The following HIPK3 variants were observed in gnomAD, a reference collection of about 807,000 sequenced individuals.
The protein encoded by HIPK3 is homeodomain interacting protein kinase 3, also known as homeodomain-interacting protein kinase 3.
In HIPK3, 47 loss-of-function variants were observed where a neutral mutation model predicts 124.2. That is an observed-to-expected ratio of 0.38 (90% CI 0.30 to 0.48). HIPK3 has a LOEUF of 0.48. HIPK3 is among the 20% of genes least tolerant of loss of function. The probability of loss-of-function intolerance (pLI) is 0.98; values close to 1 mark genes in which losing one functional copy is unlikely to be tolerated. For synonymous variants in HIPK3, 482 were observed against 515.2 expected, an observed-to-expected ratio of 0.94 and a Z score of 0.87; for missense variants, 1,286 against 1,454.3, an observed-to-expected ratio of 0.88 and a Z score of 1.88.
intron 3 of HIPK3, among the ~76,000 whole-genome samples, chr11:33,334,485 G>A (rs1853079285): frequency 6.6e-6 from 1 of 152,076 alleles, no homozygotes; most frequent in African/African-American, 2.4e-5. Context: ...AAAGGGCAGG[G>A]AATATATATA....
intron 2 of HIPK3, among the ~76,000 whole-genome samples, chr11:33,301,643 G>C (rs1852002180): frequency 6.6e-6 from 1 of 151,510 alleles, no homozygotes; most frequent in Non-Finnish European, 1.5e-5. Context: ...AAAAACTTGG[G>C]CATGGTGGAG....
At position 33,349,231 on chromosome 11, in the gene HIPK3, T is replaced by TCTG. The variant is rs779142847; in HGVS notation, c.2752_2754dup (p.Leu918dup). On this transcript the variant is annotated inframe_insertion, in exon 14 of 17. Transcript: ENST00000303296. ...GTTCATTAAGTAGTCCTGATAGTAC[T>TCTG]CTGAGTACCAGCTCCTCAGGGCAGT... 1.4e-5 allele frequency: 22 copies of TCTG among 1,613,568 alleles called. No homozygotes were observed. The highest frequency in any genetic ancestry group is 1.8e-5 in the Non-Finnish European group (21 of 1,179,586).
chr11:33,297,083 T>C (rs1454229349), intron 2 of HIPK3, among the ~76,000 whole-genome samples: 3 of 138,970 alleles, frequency 2.2e-5, no homozygotes, highest in South Asian at 2.3e-4. Context: ...ATTGCTGATA[T>C]GGAAAAGATT....
intron 1 of HIPK3, among the ~76,000 whole-genome samples, chr11:33,280,065 G>A (rs1851373498): frequency 1.3e-5 from 2 of 152,212 alleles, no homozygotes; most frequent in Admixed American, 6.5e-5. Flanking sequence ...ACCATAGTAG[G>A]TTAAAGAACC....
chr11:33,352,269 T>A lies in HIPK3; in HGVS notation c.3171+4T>A. On this transcript the variant is annotated splice_donor_region_variant and intron_variant, in intron 16 of 16. Coordinates refer to ENST00000303296, the MANE Select transcript of HIPK3 (RefSeq NM_005734.5). ...GCAGCATTTGAACTTCAGTCAGGTATGTTCATTTGTGGATATGTAGGAGTC... is the reference window on the plus strand; with the variant it reads ...GCAGCATTTGAACTTCAGTCAGGTAAGTTCATTTGTGGATATGTAGGAGTC... The A allele has an allele frequency of 6.2e-7, 1 of 1,613,648 alleles. No individual in the cohort carries two copies. Among genetic ancestry groups the A allele is most frequent in the Non-Finnish European group, 8.5e-7 (1 of 1,179,820 alleles).
chr11:33,348,019 T>C lies in HIPK3; in HGVS notation c.2306+6T>C. On this transcript the variant is annotated splice_donor_region_variant and intron_variant, in intron 11 of 16. Coordinates refer to ENST00000303296, the MANE Select transcript of HIPK3 (RefSeq NM_005734.5). ...AATAAACAGTGCCAGAACAGGTTGG[T>C]ATTGGTGCTTTAGCTTTCCTCTGCA... 6.2e-7 allele frequency: 1 copy of C among 1,614,000 alleles called. No homozygotes were observed. The highest frequency in any genetic ancestry group is 1.1e-5 in the South Asian group (1 of 91,076).
chr11:33,301,096 GTTCT>G (rs1406867083), intron 2 of HIPK3, among the ~76,000 whole-genome samples: 1 of 152,056 alleles, frequency 6.6e-6, no homozygotes, highest in Non-Finnish European at 1.5e-5. Flanking sequence ...CTGAGAGTTT[GTTCT>G]TTCTTATGTG....
intron 2 of HIPK3, among the ~76,000 whole-genome samples, chr11:33,315,347 C>T (rs1236884667): frequency 6.6e-6 from 1 of 152,202 alleles, no homozygotes; most frequent in Non-Finnish European, 1.5e-5. Flanking sequence ...ATGCCTCAGC[C>T]TCCCAAGTAG....
chr11:33,257,299 C>T (rs2133852705), upstream of HIPK3: 2 of 983,270 alleles, frequency 2.0e-6, no homozygotes, highest in Non-Finnish European at 1.2e-6. Context: ...GGGCGCGCAG[C>T]GCTGCCGGGC....
At chr11:33,304,503 G>A (rs1046668538) in intron 2 of HIPK3, among the ~76,000 whole-genome samples, 8 of 151,540 alleles carry the variant, frequency 5.3e-5, no homozygotes, top group Admixed American at 5.2e-4. Context: ...GTTGCGGAGA[G>A]CCGAGATCAT....
intron 2 of HIPK3, among the ~76,000 whole-genome samples, chr11:33,311,936 C>CACA (rs1852359235): frequency 8.6e-6 from 1 of 116,278 alleles, no homozygotes; most frequent in Admixed American, 8.7e-5. Context: ...CACACACACA[C>CACA]TACACACACA....
intron 9 of HIPK3, 61 bp from the exon 10 acceptor site, chr11:33,347,568 A>G (rs527966232): frequency 2.5e-6 from 4 of 1,587,234 alleles, no homozygotes; most frequent in East Asian, 2.3e-5. Context: ...AGTTTAAGAT[A>G]TGGTAAAGTT....
intron 2 of HIPK3, among the ~76,000 whole-genome samples, chr11:33,327,604 T>G (rs1431961803): frequency 6.6e-6 from 1 of 152,182 alleles, no homozygotes; most frequent in Non-Finnish European, 1.5e-5. Context: ...TGTGGTTATG[T>G]AGGAGAATAT....
intron 1 of HIPK3, among the ~76,000 whole-genome samples, chr11:33,276,893 C>T (rs960914514): frequency 3.3e-5 from 5 of 151,790 alleles, no homozygotes; most frequent in East Asian, 1.9e-4. Flanking sequence ...TTAGTAGAGA[C>T]GGGGTTTCAT....
Position 33,353,644 on chromosome 11 carries a change from T to A in HIPK3, c.*76T>A. 1.0e-6 allele frequency: 1 copy of A among 1,002,704 alleles called. No homozygotes were observed. Among genetic ancestry groups the A allele is most frequent in the Non-Finnish European group, 1.5e-6 (1 of 667,128 alleles). The allele number at this position is 1,002,704 out of a possible 1,614,324, so 62.1% of individuals were successfully genotyped here. On this transcript the variant is annotated 3_prime_UTR_variant, in exon 17 of 17. Transcript: ENST00000303296. Reference sequence around the variant, plus strand: ...AAAACATGGTATTTAATATTAGCCATGGCACAAGAAAATTATTTTTGAATC... The same window carrying A: ...AAAACATGGTATTTAATATTAGCCAAGGCACAAGAAAATTATTTTTGAATC...
chr11:33,341,616 A>G lies in HIPK3; in HGVS notation c.1827A>G (p.Ala609=), dbSNP rs761628732. 3.7e-6 allele frequency: 6 copies of G among 1,613,844 alleles called. No individual in the cohort carries two copies. The highest frequency in any genetic ancestry group is 1.1e-5 in the South Asian group (1 of 91,020). Residue 609 remains alanine (A), a synonymous_variant, in exon 8 of 17, where the codon GCA becomes GCG. Transcript: ENST00000303296. The part of the protein sequence containing the change: ...SVVHHGIPLQ[A]GTAQFGCGDA... The stretch of plus-strand genomic sequence containing the variant: ...TGCACCATGGAATACCTCTGCAGGC[A>G]GGAACTGCTCAGTTTGGTTGTGGTG...
At chr11:33,257,958 G>A (rs974198020) in intron 1 of HIPK3, 69 bp downstream of exon 1, 8 of 982,642 alleles carry the variant, frequency 8.1e-6, no homozygotes, top group Non-Finnish European at 9.7e-6. Context: ...CGGGCTCCGC[G>A]GCCAGCGGAC....
chr11:33,269,291 C>G (rs1851058348), intron 1 of HIPK3, among the ~76,000 whole-genome samples: 1 of 151,998 alleles, frequency 6.6e-6, no homozygotes, highest in African/African-American at 2.4e-5. Context: ...TCCCAGATTT[C>G]CAACCCTTTA....
At chr11:33,351,547 T>C in intron 14 of HIPK3, 61 bp from the exon 15 acceptor site, 2 of 1,148,094 alleles carry the variant, frequency 1.7e-6, no homozygotes, top group South Asian at 1.3e-5. Context: ...TGAATATTAC[T>C]TAACATTAGA....
Sources: gnomAD v4.1 joint callset for allele counts (sites outside exome capture counted in the v4.1 genomes callset) on GRCh38, gnomAD v4.1.1 for gene constraint, MANE v1.5 for transcripts, NCBI Gene and HGNC (gene_info 2026-07-23, HGNC 2026-07-21) for gene names.